HNMT: variants seen among roughly 807,000 people sequenced by gnomAD.
HNMT encodes the protein histamine N-methyltransferase.
In HNMT, 30 loss-of-function variants were observed where a neutral mutation model predicts 32.1. The ratio of observed to expected loss-of-function variants is 0.93; its 90% CI spans 0.70 to 1.27. The LOEUF (loss-of-function observed/expected upper bound fraction) is 1.27, where lower values mean the gene tolerates loss of function less well. Among genes scored for constraint, HNMT ranks in the 50% most tolerant of loss-of-function variants. The probability of loss-of-function intolerance (pLI) is 0.00; values close to 1 mark genes in which losing one functional copy is unlikely to be tolerated. For missense variants in HNMT, 327 were observed against 346.0 expected, an observed-to-expected ratio of 0.95 and a Z score of 0.43; for synonymous variants, 125 against 119.0, an observed-to-expected ratio of 1.05 and a Z score of -0.33.
chr2:138,002,818 A>G, intron 4 of HNMT: 11 of 958,826 alleles, frequency 1.1e-5, no homozygotes, highest in Non-Finnish European at 1.4e-5. Flanking sequence ...CATATTCTCT[A>G]GTGGCTCTAA....
chr2:137,996,636 A>G (rs1681003647), intron 2 of HNMT, among the ~76,000 whole-genome samples: 1 of 152,188 alleles, frequency 6.6e-6, no homozygotes, highest in African/African-American at 2.4e-5. Flanking sequence ...CCATCAAACT[A>G]CCATCGACAT....
At chr2:137,971,763 C>T (rs1371788589) in intron 2 of HNMT, among the ~76,000 whole-genome samples, 1 of 151,968 alleles carries the variant, frequency 6.6e-6, no homozygotes, top group Non-Finnish European at 1.5e-5. Context: ...TAAGTTTCAT[C>T]TCAAGACTTT....
At chr2:137,996,390 GA>G (rs1424323479) in intron 2 of HNMT, among the ~76,000 whole-genome samples, 1 of 152,074 alleles carries the variant, frequency 6.6e-6, no homozygotes, top group Non-Finnish European at 1.5e-5. Flanking sequence ...GACAAAAACA[GA>G]GCCAAATCAT....
chr2:137,990,666 G>A (rs1279097061), intron 2 of HNMT, among the ~76,000 whole-genome samples: 1 of 152,070 alleles, frequency 6.6e-6, no homozygotes, highest in East Asian at 1.9e-4. Context: ...TTTATTTTAT[G>A]ATTTTATATC....
At chr2:137,976,124 G>A (rs1209070417) in intron 2 of HNMT, among the ~76,000 whole-genome samples, 1 of 152,122 alleles carries the variant, frequency 6.6e-6, no homozygotes, top group East Asian at 1.9e-4. Flanking sequence ...AAATTAGCTG[G>A]GCATGGTGGC....
intron 2 of HNMT, among the ~76,000 whole-genome samples, chr2:137,985,114 C>T (rs1010870374): frequency 6.6e-6 from 1 of 151,512 alleles, no homozygotes; most frequent in Non-Finnish European, 1.5e-5. Flanking sequence ...AGACATGACA[C>T]GTAAGACTCT....
At chr2:138,007,341 AT>A (rs1346165276) in intron 5 of HNMT, among the ~76,000 whole-genome samples, 1 of 151,970 alleles carries the variant, frequency 6.6e-6, no homozygotes, top group Non-Finnish European at 1.5e-5. Flanking sequence ...ATATAAGTTA[AT>A]TTTTTTTAAA....
intron 2 of HNMT, among the ~76,000 whole-genome samples, chr2:137,979,435 G>A (rs1680414645): frequency 6.6e-6 from 1 of 151,862 alleles, no homozygotes; most frequent in African/African-American, 2.4e-5. Flanking sequence ...CACGTTTTTA[G>A]TAGAGACGGG....
chr2:137,981,734 T>C, intron 2 of HNMT: 1 of 208,870 alleles, frequency 4.8e-6, no homozygotes, highest in South Asian at 1.4e-4. Context: ...ACATAAACCA[T>C]GTTATACCCA....
chr2:137,970,914 C>T (rs1393905892), intron 2 of HNMT, among the ~76,000 whole-genome samples: 2 of 70,034 alleles, frequency 2.9e-5, no homozygotes, highest in African/African-American at 5.9e-5. Context: ...AGCGAGACTA[C>T]GTCTCAAAAA....
At chr2:137,965,558 C>G (rs1312917974) in intron 1 of HNMT, among the ~76,000 whole-genome samples, 1 of 152,066 alleles carries the variant, frequency 6.6e-6, no homozygotes, top group South Asian at 2.1e-4. Context: ...ATTTCCTTTT[C>G]TATTTAACAT....
In HNMT at chr2:138,014,355, T is replaced by C. The variant is rs1681601229; in HGVS notation, c.*225T>C. 1 of 416,788 alleles carries C rather than the reference T, an allele frequency of 2.4e-6. No individual in the cohort carries two copies. The highest frequency in any genetic ancestry group is 3.5e-5 in the East Asian group (1 of 28,858). The allele number at this position is 416,788 out of a possible 1,614,324, so 25.8% of individuals were successfully genotyped here. A position where few individuals can be genotyped will look rare whatever the true frequency, so the allele number is the denominator to read the frequency against. ...CCAGGTAGAGAGACCACAAGCAGGCTCAACATAACATAAGCTAGAAAAATT... is the reference window on the plus strand; with the variant it reads ...CCAGGTAGAGAGACCACAAGCAGGCCCAACATAACATAAGCTAGAAAAATT... On this transcript the variant is annotated 3_prime_UTR_variant, in exon 6 of 6. Coordinates refer to ENST00000280097, the MANE Select transcript of HNMT (RefSeq NM_006895.3).
intron 5 of HNMT, among the ~76,000 whole-genome samples, chr2:138,012,339 C>A (rs954511087): frequency 1.3e-5 from 2 of 152,110 alleles, no homozygotes; most frequent in Non-Finnish European, 1.5e-5. Context: ...CAGCTCATGT[C>A]TGTCTCCCTC....
intron 2 of HNMT, among the ~76,000 whole-genome samples, chr2:137,992,970 A>T (rs1276370705): frequency 6.6e-6 from 1 of 152,168 alleles, no homozygotes; most frequent in Non-Finnish European, 1.5e-5. Context: ...ATTGAAAGAA[A>T]AAAAACAAGC....
chr2:137,973,287 C>A (rs1026385663), intron 2 of HNMT, among the ~76,000 whole-genome samples: 1 of 152,134 alleles, frequency 6.6e-6, no homozygotes, highest in African/African-American at 2.4e-5. Context: ...CATGTAGCAA[C>A]TGGGAGATGG....
intron 2 of HNMT, among the ~76,000 whole-genome samples, chr2:137,984,919 C>T (rs941217777): frequency 6.6e-6 from 1 of 152,010 alleles, no homozygotes; most frequent in African/African-American, 2.4e-5. Flanking sequence ...TCTGGTAGCA[C>T]TATAAGGATA....
intron 3 of HNMT, 44 bp from the exon 4 acceptor site, chr2:138,002,020 T>A: frequency 7.0e-7 from 1 of 1,431,918 alleles, no homozygotes; most frequent in Non-Finnish European, 9.3e-7. Flanking sequence ...TTTCCACATT[T>A]GCAATTAAAA....
intron 5 of HNMT, 21 bp from the exon 6 acceptor site, chr2:138,013,754 G>A: frequency 2.5e-6 from 4 of 1,578,288 alleles, no homozygotes; most frequent in Non-Finnish European, 2.6e-6. Flanking sequence ...ATGAAAGCAT[G>A]ACTTGTGTTT....
chr2:137,990,728 T>C (rs1680793232), intron 2 of HNMT, among the ~76,000 whole-genome samples: 1 of 152,180 alleles, frequency 6.6e-6, no homozygotes, highest in Non-Finnish European at 1.5e-5. Context: ...TACATATGTA[T>C]ATGTTCTGAG....
Sources: gnomAD v4.1 joint callset for allele counts (sites outside exome capture counted in the v4.1 genomes callset) on GRCh38, gnomAD v4.1.1 for gene constraint, MANE v1.5 for transcripts, NCBI Gene and HGNC (gene_info 2026-07-23, HGNC 2026-07-21) for gene names.